CDH18: variants seen among roughly 807,000 people sequenced by gnomAD.
CDH18 encodes cadherin 18, also known as cadherin-18.
CDH18 carries 31 observed loss-of-function variants against 67.9 expected under a neutral mutation model. The observed-to-expected ratio is 0.46, with a 90% CI of 0.34 to 0.62. The LOEUF (loss-of-function observed/expected upper bound fraction) is 0.62. Ranked by LOEUF, CDH18 falls within the 20% of genes least tolerant of loss-of-function variation. The pLI is 0.01. For missense variants in CDH18, 890 were observed against 975.5 expected (o/e 0.91, Z 1.17); for synonymous variants, 362 against 347.2 (o/e 1.04, Z -0.48).
rs1185651808 is a variant in CDH18, at chr5:19,472,080, A to G, written c.*1146T>C. Among the ~76,000 whole-genome samples the G allele has an allele frequency of 1.3e-5, 2 of 152,126 alleles. No homozygotes were observed. Among genetic ancestry groups the G allele is most frequent in the Non-Finnish European group, 2.9e-5 (2 of 68,024 alleles). On this transcript the variant is annotated 3_prime_UTR_variant, in exon 13 of 13. Coordinates refer to ENST00000382275, the MANE Select transcript of CDH18 (RefSeq NM_004934.5). Reference sequence around the variant, plus strand: ...TCCTTTTTTGCTCCTAGTCCTACACATTTTCCTGTTGATACCAAACTAATT... The same window carrying G: ...TCCTTTTTTGCTCCTAGTCCTACACGTTTTCCTGTTGATACCAAACTAATT...
chr5:19,863,137 C>T (rs1045784350), intron 2 of CDH18, among the ~76,000 whole-genome samples: 2 of 152,000 alleles, frequency 1.3e-5, no homozygotes, highest in Non-Finnish European at 2.9e-5. Flanking sequence ...ATGCCTGGCC[C>T]TGAGATAATT....
exon 1 of CDH18, chr5:20,575,546 C>A (rs550107888): frequency 6.6e-6 from 1 of 152,184 alleles, no homozygotes; most frequent in Admixed American, 6.5e-5. Flanking sequence ...TTTGAAAATC[C>A]GCTTTAATGA....
intron 2 of CDH18, among the ~76,000 whole-genome samples, chr5:19,874,238 A>T (rs2150031687): frequency 6.6e-6 from 1 of 152,298 alleles, no homozygotes; most frequent in Non-Finnish European, 1.5e-5. Context: ...GACCTGGGAA[A>T]TGCATTATCA....
At chr5:20,157,314 G>T (rs1409806254) in intron 2 of CDH18, among the ~76,000 whole-genome samples, 1 of 152,146 alleles carries the variant, frequency 6.6e-6, no homozygotes, top group African/African-American at 2.4e-5. Flanking sequence ...TGAAATCTTT[G>T]CCTTGAAGAA....
At position 20,228,016 on chromosome 5, in the gene CDH18, TA is replaced by T. The variant is rs1335419623; in HGVS notation, c.-518+27427del. 2.0e-5 allele frequency among the ~76,000 whole-genome samples: 3 copies of T among 152,174 alleles called. No homozygotes were observed. In the East Asian group the frequency reaches 5.8e-4, roughly 29 times the overall value. ...AGATCATCAAATAATTTATTTATGT[TA>T]AATCCAATGTTCATCATCTACATGT... On this transcript the variant is annotated intron_variant, in intron 2 of 14. Coordinates refer to the CDH18 transcript ENST00000507958.
intron 3 of CDH18, among the ~76,000 whole-genome samples, chr5:19,774,589 A>C (rs915643390): frequency 6.7e-6 from 1 of 150,314 alleles, no homozygotes; most frequent in African/African-American, 2.4e-5. Flanking sequence ...TGGGAGGCTG[A>C]GGCGGGCGGA....
chr5:19,634,520 G>A (rs1752840404), intron 5 of CDH18, among the ~76,000 whole-genome samples: 1 of 152,142 alleles, frequency 6.6e-6, no homozygotes, highest in African/African-American at 2.4e-5. Flanking sequence ...ATAAAAAACT[G>A]CCTAGAGAAG....
intron 1 of CDH18, among the ~76,000 whole-genome samples, chr5:20,560,116 G>A (rs999607669): frequency 6.6e-6 from 1 of 152,110 alleles, no homozygotes; most frequent in African/African-American, 2.4e-5. Flanking sequence ...GAAAATTCAA[G>A]AACTGAATCA....
chr5:20,574,349 G>C (rs1376762107), intron 1 of CDH18, among the ~76,000 whole-genome samples: 3 of 151,736 alleles, frequency 2.0e-5, no homozygotes, highest in Admixed American at 2.0e-4. Context: ...TTGAAACGTT[G>C]AACAACATAT....
chr5:20,459,144 AAAAAC>A (rs1367271235), intron 1 of CDH18, among the ~76,000 whole-genome samples: 1 of 152,150 alleles, frequency 6.6e-6, no homozygotes, highest in East Asian at 1.9e-4. Flanking sequence ...TGCTTTTGAG[AAAAAC>A]AAAACAAAAC....
At chr5:19,646,510 T>C (rs1430347419) in intron 5 of CDH18, among the ~76,000 whole-genome samples, 1 of 152,056 alleles carries the variant, frequency 6.6e-6, no homozygotes, top group Admixed American at 6.6e-5. Context: ...CAGCTAATTT[T>C]TGTATTTTTA....
intron 2 of CDH18, among the ~76,000 whole-genome samples, chr5:20,029,318 T>C (rs770917345): frequency 2.6e-5 from 4 of 152,180 alleles, no homozygotes; most frequent in Non-Finnish European, 5.9e-5. Flanking sequence ...TAGTAAAGCT[T>C]ACCTTATAGA....
At chr5:19,677,379 A>G (rs1478667637) in intron 5 of CDH18, among the ~76,000 whole-genome samples, 1 of 152,120 alleles carries the variant, frequency 6.6e-6, no homozygotes, top group East Asian at 1.9e-4. Context: ...TTACCACCAG[A>G]ACTGCCTTAA....
At chr5:20,298,629 T>A (rs1273220091) in intron 1 of CDH18, among the ~76,000 whole-genome samples, 1 of 152,204 alleles carries the variant, frequency 6.6e-6, no homozygotes, top group Non-Finnish European at 1.5e-5. Context: ...ATAACCAGGT[T>A]TAATTCACTC....
intron 3 of CDH18, among the ~76,000 whole-genome samples, chr5:19,807,534 T>A (rs1054432346): frequency 2.0e-5 from 3 of 152,212 alleles, no homozygotes; most frequent in African/African-American, 7.2e-5. Flanking sequence ...GTCGAGGCTC[T>A]ACTGAGAAGT....
chr5:19,874,364 A>C (rs2150032295), intron 2 of CDH18, among the ~76,000 whole-genome samples: 1 of 152,298 alleles, frequency 6.6e-6, no homozygotes, highest in Admixed American at 6.5e-5. Flanking sequence ...TAAGCTATTA[A>C]GTTTAGGATT....
chr5:20,152,083 T>C (rs907714370), intron 2 of CDH18, among the ~76,000 whole-genome samples: 1 of 147,296 alleles, frequency 6.8e-6, no homozygotes. Context: ...ATTATATATA[T>C]GAAATATAAA....
intron 2 of CDH18, among the ~76,000 whole-genome samples, chr5:20,115,270 CT>C (rs753438800): frequency 6.8e-3 from 393 of 58,080 alleles, no homozygotes; most frequent in African/African-American, 0.027. Context: ...AGGGCCTCAT[CT>C]TTTTTTTTTT....
intron 2 of CDH18, among the ~76,000 whole-genome samples, chr5:19,856,200 T>C (rs1784266268): frequency 6.6e-6 from 1 of 152,224 alleles, no homozygotes; most frequent in African/African-American, 2.4e-5. Flanking sequence ...TGATTGGAAA[T>C]GCAAATTCCC....
Sources: allele counts gnomAD v4.1 joint callset (sites outside exome capture counted in the v4.1 genomes callset), GRCh38; gene constraint gnomAD v4.1.1; transcripts MANE v1.5; gene names NCBI Gene and HGNC (gene_info 2026-07-23, HGNC 2026-07-21).